Variants in CEP128 observed in about 807,000 individuals in gnomAD.
CEP128 encodes centrosomal protein 128kDa.
CEP128 carries 132 observed loss-of-function variants against 156.7 expected under a neutral mutation model. That is an observed-to-expected ratio of 0.84 (90% CI 0.73 to 0.97). The LOEUF is 0.97. CEP128 is among the 50% of genes least tolerant of loss of function. The pLI, the probability that CEP128 is intolerant of heterozygous loss-of-function variation, is 0.00. For synonymous variants in CEP128, 469 were observed against 448.9 expected (o/e 1.04, Z -0.57); for missense variants, 1,252 against 1,281.9 (o/e 0.98, Z 0.36).
At chr14:80,943,142 A>G (rs1886235558), upstream of CEP128, among the ~76,000 whole-genome samples, 1 of 152,230 alleles carries the variant, frequency 6.6e-6, no homozygotes, top group Admixed American at 6.5e-5. Flanking sequence ...AACTTTCAAA[A>G]CAATTCTATT....
intron 8 of CEP128, among the ~76,000 whole-genome samples, chr14:80,881,691 T>A: frequency 6.6e-6 from 1 of 152,090 alleles, no homozygotes; most frequent in East Asian, 1.9e-4. Flanking sequence ...ACTAGCAAGA[T>A]GAATTCAATA....
intron 19 of CEP128, among the ~76,000 whole-genome samples, chr14:80,667,316 G>C (rs1895658159): frequency 6.6e-6 from 1 of 152,110 alleles, no homozygotes; most frequent in Non-Finnish European, 1.5e-5. Context: ...GTGTGGCCGA[G>C]GGGCTTAATA....
intron 19 of CEP128, among the ~76,000 whole-genome samples, chr14:80,646,651 C>T (rs953445575): frequency 6.6e-6 from 1 of 151,788 alleles, no homozygotes; most frequent in African/African-American, 2.4e-5. Flanking sequence ...ACATACAATA[C>T]ATAACTTTTA....
At chr14:80,645,180 A>T (rs1248058607) in intron 19 of CEP128, among the ~76,000 whole-genome samples, 1 of 152,182 alleles carries the variant, frequency 6.6e-6, no homozygotes, top group African/African-American at 2.4e-5. Context: ...TTTACCCACT[A>T]TACAGTAAAA....
downstream of CEP128, among the ~76,000 whole-genome samples, chr14:80,493,181 C>T (rs908838668): frequency 4.6e-5 from 7 of 152,264 alleles, no homozygotes; most frequent in African/African-American, 1.7e-4. Context: ...CTTTGCAGGA[C>T]AGTCTAGCAT....
intron 14 of CEP128, among the ~76,000 whole-genome samples, chr14:80,787,985 C>A (rs1901500732): frequency 6.6e-6 from 1 of 152,148 alleles, no homozygotes; most frequent in Admixed American, 6.6e-5. Flanking sequence ...CCAAGCTTCA[C>A]ATCAATTCCT....
chr14:80,596,536 C>A (rs1892327058), intron 19 of CEP128, among the ~76,000 whole-genome samples: 1 of 152,092 alleles, frequency 6.6e-6, no homozygotes, highest in African/African-American at 2.4e-5. Context: ...CAGCTAGGCA[C>A]AGTGGCTCAT....
intron 23 of CEP128, among the ~76,000 whole-genome samples, chr14:80,513,525 C>T (rs1175474154): frequency 1.3e-5 from 2 of 151,962 alleles, no homozygotes; most frequent in Non-Finnish European, 2.9e-5. Flanking sequence ...TTGGAAAGTT[C>T]TCTGTTATTA....
chr14:80,554,935 C>A (rs1217212833), intron 21 of CEP128, among the ~76,000 whole-genome samples: 1 of 151,816 alleles, frequency 6.6e-6, no homozygotes, highest in Non-Finnish European at 1.5e-5. Context: ...GAAAGAGCCA[C>A]CAGAAAAAAA....
At chr14:80,626,193 G>C (rs1033013090) in intron 19 of CEP128, among the ~76,000 whole-genome samples, 1 of 151,810 alleles carries the variant, frequency 6.6e-6, no homozygotes, top group Non-Finnish European at 1.5e-5. Flanking sequence ...GGCCGGGCGC[G>C]GTGGCTCACG....
chr14:80,899,771 G>T (rs1242433140), intron 7 of CEP128, among the ~76,000 whole-genome samples, 167 bp downstream of exon 7: 4 of 152,202 alleles, frequency 2.6e-5, no homozygotes, highest in Non-Finnish European at 5.9e-5. Context: ...ACTGAGTCAT[G>T]ATATATTCTA....
intron 2 of CEP128, among the ~76,000 whole-genome samples, chr14:80,947,499 GC>G (rs1440814900): frequency 3.9e-5 from 6 of 152,102 alleles, no homozygotes; most frequent in Non-Finnish European, 8.8e-5. Flanking sequence ...AAGCCCTTTT[GC>G]AAAATTTATT....
chr14:80,678,049 A>AAAATATGTATATATAT, intron 19 of CEP128, among the ~76,000 whole-genome samples: 1 of 98,494 alleles, frequency 1.0e-5, no homozygotes, highest in Admixed American at 9.3e-5. Flanking sequence ...ATAAAAAAAA[A>AAAATATGTATATATAT]ATATATATAT....
intron 13 of CEP128, among the ~76,000 whole-genome samples, chr14:80,815,869 G>A (rs1490858515): frequency 1.3e-5 from 2 of 152,198 alleles, no homozygotes; most frequent in Admixed American, 1.3e-4. Context: ...TACGTGGAAG[G>A]TAAATAATGA....
chr14:80,546,148 C>T (rs1889974459), intron 21 of CEP128, among the ~76,000 whole-genome samples: 1 of 152,178 alleles, frequency 6.6e-6, no homozygotes, highest in Non-Finnish European at 1.5e-5. Context: ...CCACACACTG[C>T]TGTTGTGGCT....
At chr14:80,484,582 G>T (rs545025080) in intron 14 of CEP128, among the ~76,000 whole-genome samples, 17 of 152,276 alleles carry the variant, frequency 1.1e-4, no homozygotes, top group African/African-American at 4.1e-4. Context: ...AATGAACAGG[G>T]ATCTCACTCT....
At chr14:80,896,364 T>A (rs1889351102) in intron 7 of CEP128, among the ~76,000 whole-genome samples, 1 of 152,212 alleles carries the variant, frequency 6.6e-6, no homozygotes, top group Non-Finnish European at 1.5e-5. Context: ...TGTCTAGCAC[T>A]GTCTTACTTC....
intron 13 of CEP128, among the ~76,000 whole-genome samples, chr14:80,794,554 C>A (rs149459174): frequency 6.6e-6 from 1 of 152,218 alleles, no homozygotes; most frequent in African/African-American, 2.4e-5. Flanking sequence ...TGCTAGAAAT[C>A]AACTTGATTA....
chr14:80,666,407 A>G (rs1895614657), intron 19 of CEP128, among the ~76,000 whole-genome samples: 1 of 152,172 alleles, frequency 6.6e-6, no homozygotes, highest in African/African-American at 2.4e-5. Flanking sequence ...TCTGCCCTTT[A>G]AGAAGTAGGA....
Sources: allele counts gnomAD v4.1 joint callset (sites outside exome capture counted in the v4.1 genomes callset), GRCh38; gene constraint gnomAD v4.1.1; transcripts MANE v1.5; gene names NCBI Gene and HGNC (gene_info 2026-07-23, HGNC 2026-07-21).